The following KCNMA1 variants were observed in gnomAD, a reference collection of about 807,000 sequenced individuals.
The protein encoded by KCNMA1 is potassium calcium-activated channel subfamily M alpha 1.
In KCNMA1, 29 loss-of-function variants were observed where a neutral mutation model predicts 140.0. The observed-to-expected ratio is 0.21, with a 90% CI of 0.15 to 0.28. The LOEUF (loss-of-function observed/expected upper bound fraction) is 0.28, where lower values mean the gene tolerates loss of function less well. KCNMA1 is among the 10% of genes least tolerant of loss of function. The pLI, the probability that KCNMA1 is intolerant of heterozygous loss-of-function variation, is 1.00. For synonymous variants in KCNMA1, 612 were observed against 611.9 expected (o/e 1.00, Z 0.00); for missense variants, 880 against 1,602.2 (o/e 0.55, Z 7.70).
chr10:77,448,868 T>C (rs780975070), intron 1 of KCNMA1, among the ~76,000 whole-genome samples: 1 of 151,994 alleles, frequency 6.6e-6, no homozygotes, highest in Non-Finnish European at 1.5e-5. Flanking sequence ...GCGGGCAGAT[T>C]ACGAGGTCAG....
chr10:77,303,435 A>G (rs1246485398), intron 2 of KCNMA1, among the ~76,000 whole-genome samples: 1 of 152,040 alleles, frequency 6.6e-6, no homozygotes, highest in Non-Finnish European at 1.5e-5. Flanking sequence ...CCCACCCTTA[A>G]CCCCATTCTA....
chr10:77,293,296 T>C (rs555623249), intron 2 of KCNMA1, among the ~76,000 whole-genome samples: 1 of 152,314 alleles, frequency 6.6e-6, no homozygotes, highest in African/African-American at 2.4e-5. Context: ...TCCAGGCATA[T>C]CCCCATCTTG....
At chr10:77,018,167 G>A (rs1312143535) in intron 17 of KCNMA1, among the ~76,000 whole-genome samples, 1 of 152,132 alleles carries the variant, frequency 6.6e-6, no homozygotes, top group Non-Finnish European at 1.5e-5. Context: ...AAAGAATGTA[G>A]CACACCTAGA....
At chr10:76,930,597 A>G (rs976388087) in intron 23 of KCNMA1, among the ~76,000 whole-genome samples, 6 of 152,174 alleles carry the variant, frequency 3.9e-5, no homozygotes, top group African/African-American at 1.4e-4. Flanking sequence ...GAACCACCAC[A>G]TGATTTAGCA....
intron 25 of KCNMA1, chr10:76,901,904 A>C (rs910096950): frequency 1.3e-5 from 2 of 152,260 alleles, no homozygotes; most frequent in African/African-American, 2.4e-5. Flanking sequence ...TGATACCCCA[A>C]TATTCGGATG....
chr10:77,394,500 C>T (rs1011397127), intron 2 of KCNMA1, among the ~76,000 whole-genome samples: 2 of 152,298 alleles, frequency 1.3e-5, no homozygotes, highest in African/African-American at 2.4e-5. Flanking sequence ...GTGGGGGCTG[C>T]CGAAGCAGTG....
chr10:77,471,337 A>T (rs1422663077), intron 1 of KCNMA1, among the ~76,000 whole-genome samples: 2 of 151,308 alleles, frequency 1.3e-5, no homozygotes, highest in Non-Finnish European at 2.9e-5. Context: ...CTCACACTAC[A>T]CACACAACAC....
intron 1 of KCNMA1, among the ~76,000 whole-genome samples, chr10:77,594,718 TG>T (rs2080276168): frequency 6.6e-6 from 1 of 152,214 alleles, no homozygotes; most frequent in Non-Finnish European, 1.5e-5. Flanking sequence ...CTGATAACAA[TG>T]GCGTATGGCT....
intron 1 of KCNMA1, among the ~76,000 whole-genome samples, chr10:77,449,079 T>A (rs1240384585): frequency 1.5e-5 from 2 of 129,294 alleles, no homozygotes; most frequent in Non-Finnish European, 3.3e-5. Flanking sequence ...AGAGCAAGAC[T>A]CCGAAAAAAA....
At position 77,155,023 on chromosome 10, in the gene KCNMA1, G is replaced by T. The variant is rs367583667; in HGVS notation, c.808+28398C>A. Reference sequence around the variant, plus strand: ...AGGGGCAAGTGCCATCCAAAGGAGCGGGTTGCTGCCTGCCATTGCTGAGGC... The same window carrying T: ...AGGGGCAAGTGCCATCCAAAGGAGCTGGTTGCTGCCTGCCATTGCTGAGGC... On this transcript the variant is annotated intron_variant, in intron 5 of 27. Transcript: ENST00000286628. 7.9e-5 allele frequency among the ~76,000 whole-genome samples: 12 copies of T among 152,284 alleles called. No homozygotes were observed. In the South Asian group the frequency reaches 2.1e-3, roughly 26 times the overall value.
intron 2 of KCNMA1, among the ~76,000 whole-genome samples, chr10:77,339,305 C>T (rs912569337): frequency 2.0e-5 from 3 of 152,090 alleles, no homozygotes; most frequent in Non-Finnish European, 2.9e-5. Context: ...CTGCCAAACC[C>T]ACATTTCTCC....
chr10:76,922,629 C>T (rs1466972145), intron 23 of KCNMA1, among the ~76,000 whole-genome samples: 1 of 152,142 alleles, frequency 6.6e-6, no homozygotes, highest in Admixed American at 6.5e-5. Flanking sequence ...TGTGGGGCTA[C>T]TGGCAAGCAG....
intron 5 of KCNMA1, among the ~76,000 whole-genome samples, chr10:77,132,265 C>T (rs2097878737): frequency 6.6e-6 from 1 of 152,064 alleles, no homozygotes; most frequent in Non-Finnish European, 1.5e-5. Flanking sequence ...CATAGCCACA[C>T]AGCAAAGTAG....
chr10:77,144,842 C>T (rs919588094), intron 5 of KCNMA1, among the ~76,000 whole-genome samples: 1 of 152,198 alleles, frequency 6.6e-6, no homozygotes, highest in African/African-American at 2.4e-5. Context: ...GGCTCTGCCA[C>T]CAGCAGCTGC....
chr10:76,955,630 C>T (rs2067966026), intron 20 of KCNMA1, among the ~76,000 whole-genome samples: 1 of 152,110 alleles, frequency 6.6e-6, no homozygotes, highest in African/African-American at 2.4e-5. Context: ...GGTATGTAAA[C>T]CACCAGGCCA....
intron 3 of KCNMA1, among the ~76,000 whole-genome samples, chr10:77,244,445 C>T (rs908482126): frequency 1.3e-5 from 2 of 152,196 alleles, no homozygotes; most frequent in Admixed American, 6.5e-5. Flanking sequence ...CCATTGCCTA[C>T]GATGCCTAGG....
At chr10:77,277,143 T>C (rs1375211639) in intron 2 of KCNMA1, among the ~76,000 whole-genome samples, 1 of 152,104 alleles carries the variant, frequency 6.6e-6, no homozygotes, top group East Asian at 1.9e-4. Context: ...CTTCCCAGCA[T>C]GGTTGGGGGA....
intron 1 of KCNMA1, among the ~76,000 whole-genome samples, chr10:77,589,122 C>T (rs2078202755): frequency 6.6e-6 from 1 of 152,178 alleles, no homozygotes; most frequent in Non-Finnish European, 1.5e-5. Flanking sequence ...CGGATTCGAC[C>T]TGTAATGTAC....
intron 2 of KCNMA1, among the ~76,000 whole-genome samples, chr10:77,340,999 ACTCAGAGATG>A (rs1163390225): frequency 2.0e-5 from 3 of 152,000 alleles, no homozygotes; most frequent in African/African-American, 7.3e-5. Flanking sequence ...GTGCAGGGAG[ACTCAGAGATG>A]CTCTGCCATG....
Sources: gnomAD v4.1 joint callset for allele counts (sites outside exome capture counted in the v4.1 genomes callset) on GRCh38, gnomAD v4.1.1 for gene constraint, MANE v1.5 for transcripts, NCBI Gene and HGNC (gene_info 2026-07-23, HGNC 2026-07-21) for gene names.